The following TIFA variants were observed in gnomAD, a reference collection of about 807,000 sequenced individuals.
TIFA encodes the protein TRAF-interacting protein with FHA domain-containing protein A.
For synonymous variants in TIFA, 75 were observed against 79.2 expected (o/e 0.95, Z 0.28); for missense variants, 186 against 215.2 (o/e 0.86, Z 0.85).
At chr4:112,280,463 T>C (rs1158157401) in intron 1 of TIFA, among the ~76,000 whole-genome samples, 3 of 149,216 alleles carry the variant, frequency 2.0e-5, no homozygotes, top group Admixed American at 6.8e-5. Flanking sequence ...AATTCTCCTG[T>C]CTCAGCCTCC....
chr4:112,277,672 C>CGGTTGTCGCCGT lies in TIFA; in HGVS notation c.*189_*190insACGGCGACAACC. ...CAGTTAAAATAATTTTGTGTAGATC[C>CGGTTGTCGCCGT]AGAATACAACAGGTGACTAAGTTAA... On this transcript the variant is annotated 3_prime_UTR_variant, in exon 2 of 2. Coordinates refer to ENST00000361717, the MANE Select transcript of TIFA (RefSeq NM_052864.3). 6.2e-6 allele frequency: 2 copies of CGGTTGTCGCCGT among 322,364 alleles called. No homozygotes were observed. Among genetic ancestry groups the CGGTTGTCGCCGT allele is most frequent in the South Asian group, 1.0e-4 (1 of 9,934 alleles). 20.0% of individuals were successfully genotyped at this position (322,364 alleles called of 1,614,324 possible). A position where few individuals can be genotyped will look rare whatever the true frequency, so the allele number is the denominator to read the frequency against.
chr4:112,276,762 AC>A lies in TIFA; in HGVS notation c.*1099del, dbSNP rs1271518177. 1 of 152,226 alleles carries A rather than the reference AC, an allele frequency of 6.6e-6. No individual in the cohort carries two copies. Among genetic ancestry groups the A allele is most frequent in the Non-Finnish European group, 1.5e-5 (1 of 68,034 alleles). 9.4% of individuals were successfully genotyped at this position (152,226 alleles called of 1,614,324 possible). A position where few individuals can be genotyped will look rare whatever the true frequency, so the allele number is the denominator to read the frequency against. On this transcript the variant is annotated 3_prime_UTR_variant, in exon 2 of 2. Coordinates refer to ENST00000361717, the MANE Select transcript of TIFA (RefSeq NM_052864.3). ...CCAAAAGCATTTTTAAAAGGCTGTT[AC>A]AAAAATACGGACCTCTTACTACAGG...
At position 112,277,690 on chromosome 4, in the gene TIFA, T is replaced by TTATCATTAA; in HGVS notation, c.*171_*172insTTAATGATA. 1 of 513,634 alleles carries TTATCATTAA rather than the reference T, an allele frequency of 1.9e-6. No homozygotes were observed. Among genetic ancestry groups the TTATCATTAA allele is most frequent in the Non-Finnish European group, 3.1e-6 (1 of 317,506 alleles). The allele number at this position is 513,634 out of a possible 1,614,324, so 31.8% of individuals were successfully genotyped here. The stretch of plus-strand genomic sequence containing the variant: ...GTAGATCCAGAATACAACAGGTGAC[T>TTATCATTAA]AAGTTAATGACTAACACAATTTACA... On this transcript the variant is annotated 3_prime_UTR_variant, in exon 2 of 2. Coordinates refer to ENST00000361717, the MANE Select transcript of TIFA (RefSeq NM_052864.3).
rs185607316 is a variant in TIFA at position 112,283,161 on chromosome 4, A to T, written c.-19+2479T>A. ...CAATGCATCCTCTCTTAACCATTAC[A>T]AACACTGCCTCCCTGGTTACCAGCT... is the stretch of plus-strand genomic sequence containing the variant. On this transcript the variant is annotated intron_variant, in intron 1 of 1. Coordinates refer to ENST00000361717, the MANE Select transcript of TIFA (RefSeq NM_052864.3). Among the ~76,000 whole-genome samples, 41 of 152,334 alleles carry T rather than the reference A, an allele frequency of 2.7e-4. No individual in the cohort carries two copies. In the East Asian group the frequency reaches 7.7e-3, roughly 29 times the overall value.
intron 1 of TIFA, among the ~76,000 whole-genome samples, chr4:112,283,430 T>G (rs971214952): frequency 1.3e-5 from 2 of 152,170 alleles, no homozygotes; most frequent in Admixed American, 1.3e-4. Flanking sequence ...TGTGGCAGGT[T>G]GTTTGGAGAC....
chr4:112,282,111 T>C (rs2110507056), intron 1 of TIFA, among the ~76,000 whole-genome samples: 1 of 152,292 alleles, frequency 6.6e-6, no homozygotes, highest in Admixed American at 6.5e-5. Context: ...TGAATAAGTA[T>C]CACAAGATCT....
In TIFA at chr4:112,278,220, G is replaced by A. The variant is rs1176013464; in HGVS notation, c.197C>T (p.Ser66Phe). ...CHYTFQDKQV[S>F]RVQFSLQLFK... ...CAGCTGCAGAGAAAACTGAACTCGG[G>A]AAACCTGTTTGTCCTGAAAAGTATA... is the stretch of plus-strand genomic sequence containing the variant. Residue 66 changes from serine to phenylalanine, a missense_variant, in exon 2 of 2, where the codon TCC becomes TTC. Physicochemically the swap from Ser to Phe is radical, Grantham distance 155. Coordinates refer to ENST00000361717, the MANE Select transcript of TIFA (RefSeq NM_052864.3). 2.5e-6 allele frequency: 4 copies of A among 1,613,464 alleles called. No individual in the cohort carries two copies. Among genetic ancestry groups the A allele is most frequent in the African/African-American group, 1.3e-5 (1 of 74,858 alleles).
intron 1 of TIFA, among the ~76,000 whole-genome samples, chr4:112,284,552 A>G (rs2110508055): frequency 6.6e-6 from 1 of 152,266 alleles, no homozygotes; most frequent in Admixed American, 6.5e-5. Context: ...GGATTGACCA[A>G]ACTAATGGGG....
intron 1 of TIFA, among the ~76,000 whole-genome samples, chr4:112,279,925 C>T (rs1259614888): frequency 6.6e-6 from 1 of 152,200 alleles, no homozygotes; most frequent in Non-Finnish European, 1.5e-5. Flanking sequence ...GCCTCGCCCT[C>T]CCAAAAGTGC....
chr4:112,283,361 T>A (rs1252023158), intron 1 of TIFA, among the ~76,000 whole-genome samples: 1 of 152,184 alleles, frequency 6.6e-6, no homozygotes, highest in Non-Finnish European at 1.5e-5. Context: ...ATCAGTAACC[T>A]GGGTATCAGT....
intron 1 of TIFA, among the ~76,000 whole-genome samples, chr4:112,284,255 C>T (rs1169471152): frequency 6.6e-6 from 1 of 150,974 alleles, no homozygotes; most frequent in African/African-American, 2.4e-5. Context: ...TGTGCAAAAA[C>T]AGCACCTCCA....
intron 1 of TIFA, among the ~76,000 whole-genome samples, chr4:112,280,834 C>CAA (rs1224873027): frequency 1.3e-5 from 2 of 151,998 alleles, no homozygotes; most frequent in African/African-American, 2.4e-5. Flanking sequence ...ATTATTGCAT[C>CAA]ATATTGCTCT....
intron 1 of TIFA, 78 bp from the exon 2 acceptor site, chr4:112,278,512 A>G: frequency 2.4e-6 from 3 of 1,242,676 alleles, no homozygotes; most frequent in Non-Finnish European, 2.2e-6. Flanking sequence ...GTTTTGATGA[A>G]CATCATCTGA....
At chr4:112,281,424 G>C (rs975829694) in intron 1 of TIFA, among the ~76,000 whole-genome samples, 1 of 152,172 alleles carries the variant, frequency 6.6e-6, no homozygotes, top group African/African-American at 2.4e-5. Flanking sequence ...ATTATCCACT[G>C]TTAGAGAGAA....
Position 112,275,712 on chromosome 4 carries a change from T to C in TIFA, c.*2150A>G, listed in dbSNP as rs1727099075. The stretch of plus-strand genomic sequence containing the variant: ...AGAAATCATTATTCTGTACAAGATT[T>C]TTCTGGCCCTAAATATTACTTAACA... On this transcript the variant is annotated 3_prime_UTR_variant, in exon 2 of 2. Coordinates refer to ENST00000361717, the MANE Select transcript of TIFA (RefSeq NM_052864.3). The C allele has an allele frequency of 6.6e-6, 1 of 152,216 alleles. No homozygotes were observed. Among genetic ancestry groups the C allele is most frequent in the Non-Finnish European group, 1.5e-5 (1 of 68,040 alleles). 9.4% of individuals were successfully genotyped at this position (152,216 alleles called of 1,614,324 possible). A position where few individuals can be genotyped will look rare whatever the true frequency, so the allele number is the denominator to read the frequency against.
intron 1 of TIFA, among the ~76,000 whole-genome samples, chr4:112,281,009 C>A (rs944343589): frequency 6.6e-6 from 1 of 152,098 alleles, no homozygotes. Context: ...TTTGAAGACA[C>A]TATAATTATG....
In TIFA at chr4:112,280,497, G is replaced by A. The variant is rs907857257; in HGVS notation, c.-18-2063C>T. Among the ~76,000 whole-genome samples the A allele has an allele frequency of 2.6e-5, 4 of 151,548 alleles. No homozygotes were observed. In the South Asian group the frequency reaches 8.4e-4, roughly 32 times the overall value. ...CCCGAGTAGGTGGGACTACAAGTGT[G>A]CGCCACCACTCCCAGCTAATTTTTC... On this transcript the variant is annotated intron_variant, in intron 1 of 1. Coordinates refer to ENST00000361717, the MANE Select transcript of TIFA (RefSeq NM_052864.3).
Position 112,275,575 on chromosome 4 carries a change from A to G in TIFA, c.*2287T>C, listed in dbSNP as rs1727094946. On this transcript the variant is annotated 3_prime_UTR_variant, in exon 2 of 2. Transcript: ENST00000361717. The stretch of plus-strand genomic sequence containing the variant: ...GTTTCTATTCTTTGGAGAACAATAT[A>G]AACTTTTAGCAACCCACTCTCTCCT... The G allele has an allele frequency of 6.6e-6, 1 of 152,228 alleles. No homozygotes were observed. 9.4% of individuals were successfully genotyped at this position (152,228 alleles called of 1,614,324 possible). A position where few individuals can be genotyped will look rare whatever the true frequency, so the allele number is the denominator to read the frequency against.
In TIFA at chr4:112,278,247, T is replaced by G. The variant is rs755030639; in HGVS notation, c.170A>C (p.His57Pro). The G allele has an allele frequency of 3.1e-6, 5 of 1,614,076 alleles. No individual in the cohort carries two copies. The highest frequency in any genetic ancestry group is 3.3e-5 in the Admixed American group (2 of 59,986). ...VKFGRNSNICHYTFQDKQVSR... is the reference protein window; with the variant it reads ...VKFGRNSNICPYTFQDKQVSR... The stretch of plus-strand genomic sequence containing the variant: ...AACCTGTTTGTCCTGAAAAGTATAA[T>G]GACAGATGTTGGAATTTCGGCCAAA... Residue 57 changes from histidine (H) to proline (P), a missense_variant, in exon 2 of 2, where the codon CAT becomes CCT. His to Pro is a moderately conservative substitution (Grantham distance 77, BLOSUM62 -2). Coordinates refer to ENST00000361717, the MANE Select transcript of TIFA (RefSeq NM_052864.3).
Sources: allele counts gnomAD v4.1 joint callset (sites outside exome capture counted in the v4.1 genomes callset), GRCh38; gene constraint gnomAD v4.1.1; transcripts MANE v1.5; gene names NCBI Gene and HGNC (gene_info 2026-07-23, HGNC 2026-07-21).